Variants in PRR5L observed in about 807,000 individuals in gnomAD.
PRR5L encodes the protein proline rich 5 like, also known as proline-rich protein 5-like.
A neutral mutation model predicts 36.4 loss-of-function variants in PRR5L; 21 were observed. That is an observed-to-expected ratio of 0.58 (90% confidence interval 0.41 to 0.83). The LOEUF is 0.83. Among genes scored for constraint, PRR5L ranks in the 40% least tolerant of loss-of-function variants. PRR5L has a pLI of 0.00. For synonymous variants in PRR5L, 188 were observed against 197.0 expected (o/e 0.95, Z 0.38); for missense variants, 381 against 473.3 (o/e 0.80, Z 1.81).
At chr11:36,404,587 C>T (rs1401029756) in intron 3 of PRR5L, among the ~76,000 whole-genome samples, 6 of 152,148 alleles carry the variant, frequency 3.9e-5, no homozygotes, top group Admixed American at 3.3e-4. Context: ...TTTTCATGTC[C>T]TGGTATTCAT....
At chr11:36,351,250 T>C (rs1347221597) in intron 1 of PRR5L, among the ~76,000 whole-genome samples, 1 of 63,678 alleles carries the variant, frequency 1.6e-5, no homozygotes, top group Non-Finnish European at 2.6e-5. Context: ...ATATATATTT[T>C]TATATATGTA....
chr11:36,398,773 C>A (rs767895189), intron 1 of PRR5L: 1 of 152,226 alleles, frequency 6.6e-6, no homozygotes. Context: ...AGCCAGCCTG[C>A]GGTCCTCAGT....
intron 1 of PRR5L, among the ~76,000 whole-genome samples, chr11:36,371,407 G>C (rs543934901): frequency 3.3e-5 from 5 of 152,314 alleles, no homozygotes; most frequent in African/African-American, 1.2e-4. Context: ...GCTTACGCAA[G>C]TTTTATATCT....
intron 3 of PRR5L, among the ~76,000 whole-genome samples, chr11:36,411,478 G>A (rs1272348301): frequency 6.6e-6 from 1 of 152,084 alleles, no homozygotes; most frequent in Non-Finnish European, 1.5e-5. Flanking sequence ...CCCCTGTTAT[G>A]GCTCCTTTTG....
chr11:36,389,586 G>A (rs1252141982), intron 1 of PRR5L, among the ~76,000 whole-genome samples: 1 of 150,386 alleles, frequency 6.6e-6, no homozygotes, highest in East Asian at 2.0e-4. Flanking sequence ...TCAGTACCAT[G>A]GTGTTTACCC....
chr11:36,384,889 T>C (rs1857431044), intron 1 of PRR5L, among the ~76,000 whole-genome samples: 2 of 151,328 alleles, frequency 1.3e-5, no homozygotes, highest in South Asian at 4.2e-4. Context: ...CAGGCTGGTC[T>C]CAAACTCCTG....
chr11:36,340,909 A>G (rs1324870858), intron 1 of PRR5L, among the ~76,000 whole-genome samples: 1 of 152,254 alleles, frequency 6.6e-6, no homozygotes, highest in African/African-American at 2.4e-5. Context: ...CTCTGGGGCC[A>G]TCTCAGAGCC....
chr11:36,305,471 G>T (rs765933583), intron 1 of PRR5L, among the ~76,000 whole-genome samples: 3 of 152,156 alleles, frequency 2.0e-5, no homozygotes, highest in Non-Finnish European at 4.4e-5. Flanking sequence ...GGTGATGGTT[G>T]TACCTATCTG....
chr11:36,401,100 A>C lies in PRR5L; in HGVS notation c.-22A>C. 2 of 1,613,202 alleles carry C rather than the reference A, an allele frequency of 1.2e-6. No individual in the cohort carries two copies. Among genetic ancestry groups the C allele is most frequent in the African/African-American group, 2.7e-5 (2 of 75,028 alleles). ...CGGAACCTTCTGGTCCTAGAGGTGA[A>C]GCTGAACTGTCACCAGGACTTATGA... On this transcript the variant is annotated 5_prime_UTR_variant, in exon 2 of 9. Transcript: ENST00000530639.
chr11:36,313,085 T>C (rs1175636143), intron 1 of PRR5L, among the ~76,000 whole-genome samples: 1 of 152,256 alleles, frequency 6.6e-6, no homozygotes, highest in African/African-American at 2.4e-5. Flanking sequence ...TTATTCCCTG[T>C]GTAGTTGCAA....
In PRR5L at chr11:36,350,978, A is replaced by G. The variant is rs377425212; in HGVS notation, c.-125-50019A>G. 1.1e-4 allele frequency among the ~76,000 whole-genome samples: 4 copies of G among 37,618 alleles called. 1 individual carries two copies. Among genetic ancestry groups the G allele is most frequent in the African/African-American group, 5.6e-4 (4 of 7,182 alleles). 24.7% of individuals were successfully genotyped at this position (37,618 alleles called of 152,430 possible). A position where few individuals can be genotyped will look rare whatever the true frequency, so the allele number is the denominator to read the frequency against. On this transcript the variant is annotated intron_variant, in intron 1 of 8. Coordinates refer to ENST00000530639, the MANE Select transcript of PRR5L (RefSeq NM_001160167.2). The stretch of plus-strand genomic sequence containing the variant: ...TATATATATTTATATATTTATATAT[A>G]TTTATATATTTATATATTTATATAT...
At position 36,313,269 on chromosome 11, in the gene PRR5L, TTGA is replaced by T. The variant is rs553532238; in HGVS notation, c.-126+16836_-126+16838del. ...AAGAAATGTACCTAAAGTTTCCCTC[TTGA>T]TGATTTAATCTTGGTTGGGGTGAGA... On this transcript the variant is annotated intron_variant, in intron 1 of 8. Transcript: ENST00000530639. Among the ~76,000 whole-genome samples the T allele has an allele frequency of 3.3e-3, 504 of 152,334 alleles. 1 individual carries two copies. Among genetic ancestry groups the T allele is most frequent in the African/African-American group, 8.2e-3 (339 of 41,578 alleles).
At chr11:36,348,684 AATT>A (rs1856892093) in intron 1 of PRR5L, among the ~76,000 whole-genome samples, 1 of 152,166 alleles carries the variant, frequency 6.6e-6, no homozygotes, top group Non-Finnish European at 1.5e-5. Context: ...TATTTAAAAA[AATT>A]ATTTTAGAAT....
intron 8 of PRR5L, among the ~76,000 whole-genome samples, chr11:36,459,708 C>A (rs946886952): frequency 6.6e-5 from 10 of 152,188 alleles, no homozygotes; most frequent in Admixed American, 3.3e-4. Context: ...AGATCAGCAC[C>A]GAACATTCTT....
intron 1 of PRR5L, chr11:36,396,153 G>A (rs1857655289): frequency 6.6e-6 from 1 of 152,244 alleles, no homozygotes; most frequent in African/African-American, 2.4e-5. Context: ...GCTCAACAGT[G>A]AGCCAGGCGT....
chr11:36,409,596 G>C (rs562542967), intron 3 of PRR5L, among the ~76,000 whole-genome samples: 12 of 152,190 alleles, frequency 7.9e-5, no homozygotes, highest in Non-Finnish European at 1.2e-4. Context: ...CCCACAGTAG[G>C]GGGGAAGAGC....
At chr11:36,302,830 G>T (rs527303977) in intron 1 of PRR5L, among the ~76,000 whole-genome samples, 23 of 152,284 alleles carry the variant, frequency 1.5e-4, no homozygotes, top group African/African-American at 5.3e-4. Context: ...GCTGGCTCAC[G>T]TGTGTGCAGT....
intron 1 of PRR5L, among the ~76,000 whole-genome samples, chr11:36,356,278 G>A (rs1018114906): frequency 1.3e-5 from 2 of 152,164 alleles, no homozygotes; most frequent in Non-Finnish European, 2.9e-5. Flanking sequence ...TAGTAGGGAA[G>A]CATGATCATT....
chr11:36,432,662 T>C (rs960498851), intron 5 of PRR5L, among the ~76,000 whole-genome samples: 6 of 152,122 alleles, frequency 3.9e-5, no homozygotes, highest in Non-Finnish European at 8.8e-5. Flanking sequence ...TTGTAGGGAA[T>C]ATAAGGCACA....
Sources: allele counts gnomAD v4.1 joint callset (sites outside exome capture counted in the v4.1 genomes callset), GRCh38; gene constraint gnomAD v4.1.1; transcripts MANE v1.5; gene names NCBI Gene and HGNC (gene_info 2026-07-23, HGNC 2026-07-21).